The following ASB15 variants were observed in gnomAD, a reference collection of about 807,000 sequenced individuals.
ASB15 encodes ankyrin repeat and SOCS box containing 15.
ASB15 carries 54 observed loss-of-function variants against 58.0 expected under a neutral mutation model. The ratio of observed to expected loss-of-function variants is 0.93; its 90% CI spans 0.75 to 1.17. The LOEUF (loss-of-function observed/expected upper bound fraction) is 1.17, where lower values mean the gene tolerates loss of function less well. ASB15 is among the 50% of genes most tolerant of loss of function. The pLI is 0.00. For missense variants in ASB15, 680 were observed against 707.4 expected (o/e 0.96, Z 0.44); for synonymous variants, 249 against 262.4 (o/e 0.95, Z 0.50).
intron 7 of ASB15, chr7:123,621,293 C>T (rs953721139): frequency 3.9e-5 from 6 of 152,122 alleles, no homozygotes; most frequent in Admixed American, 3.9e-4. Flanking sequence ...GTGGTAAGGT[C>T]GAGAGAGGAC....
chr7:123,586,642 A>G (rs1440742253), intron 1 of ASB15, among the ~76,000 whole-genome samples: 1 of 151,672 alleles, frequency 6.6e-6, no homozygotes, highest in African/African-American at 2.4e-5. Flanking sequence ...TCCATTGTCA[A>G]GTACACCTCC....
At chr7:123,608,347 T>G (rs1800251226) in intron 2 of ASB15, among the ~76,000 whole-genome samples, 1 of 152,228 alleles carries the variant, frequency 6.6e-6, no homozygotes, top group African/African-American at 2.4e-5. Flanking sequence ...AATTATTCAT[T>G]CATTTAGTAA....
chr7:123,596,207 TA>T (rs1268335363), intron 1 of ASB15: 2 of 152,106 alleles, frequency 1.3e-5, no homozygotes, highest in African/African-American at 4.8e-5. Context: ...ATGAGACCAT[TA>T]AAAATTGTTT....
intron 8 of ASB15, among the ~76,000 whole-genome samples, chr7:123,626,682 C>T (rs1801810820): frequency 6.6e-6 from 1 of 152,096 alleles, no homozygotes; most frequent in Non-Finnish European, 1.5e-5. Context: ...TAATTCTATA[C>T]TTTTTAAGTA....
At chr7:123,594,438 T>A (rs992124502) in intron 1 of ASB15, among the ~76,000 whole-genome samples, 3 of 152,188 alleles carry the variant, frequency 2.0e-5, no homozygotes, top group Admixed American at 1.3e-4. Flanking sequence ...TGGTCTTTGT[T>A]GTTGGTGACC....
At chr7:123,578,171 A>G (rs1029606626) in intron 1 of ASB15, among the ~76,000 whole-genome samples, 1 of 150,004 alleles carries the variant, frequency 6.7e-6, no homozygotes, top group Non-Finnish European at 1.5e-5. Flanking sequence ...TCAAATTATA[A>G]AAGTTATTCG....
chr7:123,623,636 C>A lies in ASB15; in HGVS notation c.452-933C>A, dbSNP rs142280057. The stretch of plus-strand genomic sequence containing the variant: ...ATCCAAGCACTTTAGGAGGCCAAGG[C>A]GGGCAGATCACGAGGTCAGGAGTTT... On this transcript the variant is annotated intron_variant, in intron 7 of 11. Transcript: ENST00000451215. 9.9e-5 allele frequency among the ~76,000 whole-genome samples: 15 copies of A among 151,964 alleles called. No homozygotes were observed. The East Asian group carries it at 2.9e-3, about 30-fold the overall frequency.
chr7:123,638,287 T>C lies in ASB15; in HGVS notation c.*1306T>C, dbSNP rs1802520995. The stretch of plus-strand genomic sequence containing the variant: ...AAAGTTCTTACTTGAACTTTCATGA[T>C]CTAACTCCTGCCTTCTTCTTTAGCC... On this transcript the variant is annotated 3_prime_UTR_variant, in exon 12 of 12. Transcript: ENST00000451215. 6.6e-6 allele frequency: 1 copy of C among 152,150 alleles called. No individual in the cohort carries two copies. Among genetic ancestry groups the C allele is most frequent in the Admixed American group, 6.5e-5 (1 of 15,268 alleles). The allele number at this position is 152,150 out of a possible 1,614,324, so 9.4% of individuals were successfully genotyped here.
intron 1 of ASB15, among the ~76,000 whole-genome samples, chr7:123,576,127 AATTTT>A (rs531738842): frequency 5.7e-4 from 86 of 150,812 alleles, no homozygotes; most frequent in South Asian, 2.1e-3. Context: ...TCTTTATTTC[AATTTT>A]ATTTTATTTT....
chr7:123,591,931 G>T (rs1331172880), intron 1 of ASB15, among the ~76,000 whole-genome samples: 2 of 152,108 alleles, frequency 1.3e-5, no homozygotes. Context: ...TCTGGCCCCA[G>T]ACTTTTTTTT....
intron 1 of ASB15, 149 bp from the exon 2 acceptor site, chr7:123,603,883 G>C (rs1194735702): frequency 6.6e-6 from 1 of 152,198 alleles, no homozygotes; most frequent in Non-Finnish European, 1.5e-5. Flanking sequence ...ATATTTATCT[G>C]AACTTGGACT....
chr7:123,600,612 T>G (rs1425966672), upstream of ASB15, among the ~76,000 whole-genome samples: 1 of 152,226 alleles, frequency 6.6e-6, no homozygotes, highest in Non-Finnish European at 1.5e-5. Flanking sequence ...ATGTAGACAA[T>G]GTATGCAATG....
chr7:123,578,432 A>C (rs941517536), intron 1 of ASB15, among the ~76,000 whole-genome samples: 5 of 151,788 alleles, frequency 3.3e-5, no homozygotes, highest in African/African-American at 1.2e-4. Context: ...GACTGTGAAC[A>C]TACCCCTCTT....
At chr7:123,605,199 G>A (rs1363906895) in intron 2 of ASB15, among the ~76,000 whole-genome samples, 2 of 152,092 alleles carry the variant, frequency 1.3e-5, no homozygotes, top group East Asian at 3.8e-4. Flanking sequence ...ATTTGTATAT[G>A]AATATTTATG....
At chr7:123,627,042 G>C in intron 8 of ASB15, 68 bp from the exon 9 acceptor site, 1 of 1,489,172 alleles carries the variant, frequency 6.7e-7, no homozygotes, top group South Asian at 1.3e-5. Context: ...CCCACAACAG[G>C]CTGTTTTTAA....
At chr7:123,611,776 TTGAC>T (rs150378059) in intron 3 of ASB15, among the ~76,000 whole-genome samples, 2,469 of 152,274 alleles carry the variant, frequency 0.016, 67 homozygotes, top group African/African-American at 0.056. Context: ...TAATGCTCCT[TTGAC>T]TGACTGTCTG....
intron 11 of ASB15, among the ~76,000 whole-genome samples, chr7:123,630,785 G>T (rs1308850842): frequency 6.6e-6 from 1 of 152,106 alleles, no homozygotes; most frequent in African/African-American, 2.4e-5. Flanking sequence ...AACCTAGTTG[G>T]ACATCAATTT....
At chr7:123,585,982 T>C (rs1584735262) in intron 1 of ASB15, among the ~76,000 whole-genome samples, 1 of 151,818 alleles carries the variant, frequency 6.6e-6, no homozygotes, top group South Asian at 2.1e-4. Context: ...CATCCACTTA[T>C]GGACACTTAG....
chr7:123,580,474 C>CA (rs773039460), intron 1 of ASB15, among the ~76,000 whole-genome samples: 1 of 151,962 alleles, frequency 6.6e-6, no homozygotes, highest in Non-Finnish European at 1.5e-5. Flanking sequence ...TGGCCTTAGG[C>CA]AATTTTACTT....
Sources: gnomAD v4.1 joint callset for allele counts (sites outside exome capture counted in the v4.1 genomes callset) on GRCh38, gnomAD v4.1.1 for gene constraint, MANE v1.5 for transcripts, NCBI Gene and HGNC (gene_info 2026-07-23, HGNC 2026-07-21) for gene names.